Variants in PGBD2 observed in about 807,000 individuals in gnomAD.
PGBD2 encodes piggyBac transposable element-derived protein 2.
In PGBD2, 6 loss-of-function variants were observed where a neutral mutation model predicts 8.1. The ratio of observed to expected loss-of-function variants is 0.74; its 90% CI spans 0.40 to 1.46. PGBD2 has a LOEUF of 1.46. PGBD2 is among the 40% of genes most tolerant of loss of function. The pLI is 0.02. For missense variants in PGBD2, 802 were observed against 739.0 expected, an observed-to-expected ratio of 1.09 and a Z score of -0.99; for synonymous variants, 318 against 272.2, an observed-to-expected ratio of 1.17 and a Z score of -1.66.
At chr1:248,915,772 A>G (rs574196237) in intron 2 of PGBD2, among the ~76,000 whole-genome samples, 1 of 152,324 alleles carries the variant, frequency 6.6e-6, no homozygotes, top group African/African-American at 2.4e-5. Context: ...GAAAATCCAG[A>G]TCTGCTCAGT....
At chr1:248,892,298 CCCTT>C in the PGBD2 span, among the ~76,000 whole-genome samples, 338 of 115,418 alleles carry the variant, frequency 2.9e-3, 2 homozygotes, top group African/African-American at 0.01. Flanking sequence ...TTCCTTCCTT[CCCTT>C]CCTTCCTTCT....
chr1:248,918,129 C>T lies in PGBD2; in HGVS notation c.1545C>T (p.Ala515=), dbSNP rs748179371. 1.9e-6 allele frequency: 3 copies of T among 1,614,086 alleles called. No individual in the cohort carries two copies. Among genetic ancestry groups the T allele is most frequent in the Non-Finnish European group, 2.5e-6 (3 of 1,180,044 alleles). The part of the protein sequence containing the change: ...CCQDAQVDLL[A]FRRYIACVYL... Reference sequence around the variant, plus strand: ...AAGATGCCCAGGTGGACCTCCTTGCCTTCCGGAGATACATTGCCTGTGTGT... The same window carrying T: ...AAGATGCCCAGGTGGACCTCCTTGCTTTCCGGAGATACATTGCCTGTGTGT... The change falls in exon 3 of 3, where the codon GCC becomes GCT. Residue 515 remains alanine (A), a synonymous_variant. Transcript: ENST00000329291.
Position 248,917,752 on chromosome 1 carries a change from C to A in PGBD2, c.1168C>A (p.Leu390Met). 6.2e-7 allele frequency: 1 copy of A among 1,614,042 alleles called. No homozygotes were observed. The highest frequency in any genetic ancestry group is 8.5e-7 in the Non-Finnish European group (1 of 1,180,004). The change falls in exon 3 of 3, where the codon CTG becomes ATG. Residue 390 changes from leucine (L) to methionine (M), a missense_variant. Coordinates refer to ENST00000329291, the MANE Select transcript of PGBD2 (RefSeq NM_170725.3). ...ERCPLKDPKELKKMKRGSFDY... is the reference protein window; with the variant it reads ...ERCPLKDPKEMKKMKRGSFDY... ...ATGTCCCCTAAAAGACCCCAAAGAA[C>A]TGAAAAAAATGAAGAGGGGTTCATT...
the PGBD2 span, among the ~76,000 whole-genome samples, chr1:248,885,604 C>G: frequency 5.9e-5 from 9 of 152,288 alleles, no homozygotes; most frequent in East Asian, 1.7e-3. Context: ...CCAACCAACT[C>G]TATCCCACTT....
the PGBD2 span, among the ~76,000 whole-genome samples, chr1:248,896,788 A>G: frequency 1.3e-5 from 2 of 152,178 alleles, no homozygotes; most frequent in African/African-American, 2.4e-5. Flanking sequence ...ACCCATGGAG[A>G]GCAAGGAAAA....
At chr1:248,874,395 TAA>T in the PGBD2 span, among the ~76,000 whole-genome samples, 1 of 152,178 alleles carries the variant, frequency 6.6e-6, no homozygotes, top group Admixed American at 6.5e-5. Flanking sequence ...ACTTGACTTC[TAA>T]ACAAAGGGCA....
the PGBD2 span, among the ~76,000 whole-genome samples, chr1:248,876,388 G>T: frequency 6.6e-6 from 1 of 152,160 alleles, no homozygotes. Flanking sequence ...AATTAGAACA[G>T]GTTCTCAATA....
the PGBD2 span, among the ~76,000 whole-genome samples, chr1:248,874,263 T>C: frequency 1.3e-5 from 2 of 152,156 alleles, no homozygotes; most frequent in African/African-American, 2.4e-5. Flanking sequence ...GGTGGTCTAG[T>C]GGTTAGGATT....
At position 248,916,855 on chromosome 1, in the gene PGBD2, G is replaced by T. The variant is rs1399940810; in HGVS notation, c.271G>T (p.Asp91Tyr). The T allele has an allele frequency of 5.6e-6, 9 of 1,613,964 alleles. No homozygotes were observed. The highest frequency in any genetic ancestry group is 7.6e-6 in the Non-Finnish European group (9 of 1,180,020). ...GGACTCTGGCACCGGGGAGGATAAT[G>T]ACGACCTGGAGCTGCAGCCAGCCAA... ...CEDSGTGEDN[D>Y]DLELQPAKKR... Residue 91 changes from aspartate (D) to tyrosine (Y), a missense_variant, in exon 3 of 3, where the codon GAC (aspartate) becomes TAC (tyrosine). Transcript: ENST00000329291.
At chr1:248,906,759 G>A (rs1252953809) in intron 1 of PGBD2, among the ~76,000 whole-genome samples, 1 of 152,094 alleles carries the variant, frequency 6.6e-6, no homozygotes, top group Non-Finnish European at 1.5e-5. Context: ...CTCTGTGCCG[G>A]GGCGCGCTGG....
chr1:248,898,342 A>T, the PGBD2 span, among the ~76,000 whole-genome samples: 1 of 152,174 alleles, frequency 6.6e-6, no homozygotes, highest in African/African-American at 2.4e-5. Context: ...AATCAGGTCA[A>T]TGTTCCTCTG....
chr1:248,924,908 T>C (rs970476749), downstream of PGBD2, among the ~76,000 whole-genome samples: 1 of 152,172 alleles, frequency 6.6e-6, no homozygotes, highest in African/African-American at 2.4e-5. Flanking sequence ...CTCTGCCCTC[T>C]AGTGGATTCT....
At chr1:248,907,845 TTCTTATG>T (rs1661714251) in intron 1 of PGBD2, among the ~76,000 whole-genome samples, 1 of 152,166 alleles carries the variant, frequency 6.6e-6, no homozygotes, top group Admixed American at 6.5e-5. Context: ...AAAATGGAAT[TTCTTATG>T]TCTTCCCTTT....
At chr1:248,906,061 A>C (rs1489107363), upstream of PGBD2, 2 of 151,168 alleles carry the variant, frequency 1.3e-5, no homozygotes, top group African/African-American at 2.4e-5. Context: ...TGGCGGGAAG[A>C]GCTGGCCCGC....
chr1:248,880,232 C>T, the PGBD2 span, among the ~76,000 whole-genome samples: 1 of 152,198 alleles, frequency 6.6e-6, no homozygotes, highest in Non-Finnish European at 1.5e-5. Flanking sequence ...GTTGTCTCCA[C>T]CCTGGATGTA....
At chr1:248,920,838 A>T (rs1464210854), downstream of PGBD2, among the ~76,000 whole-genome samples, 3 of 152,198 alleles carry the variant, frequency 2.0e-5, no homozygotes, top group African/African-American at 7.2e-5. Flanking sequence ...TCGCCATTCT[A>T]ACTGGTGTGA....
At position 248,917,579 on chromosome 1, in the gene PGBD2, T is replaced by C; in HGVS notation, c.995T>C (p.Ile332Thr). ...TTGGATCTAGGAGGCAGTATGGTAA[T>C]AAAATTTGTGGATGCGCTTCAGGAG... is the stretch of plus-strand genomic sequence containing the variant. ...RSLDLGGSMV[I>T]KFVDALQERG... is the part of the protein sequence containing the mutation. The change falls in exon 3 of 3, where the codon ATA (isoleucine) becomes ACA (threonine). Residue 332 changes from isoleucine to threonine, a missense_variant. Transcript: ENST00000329291. 6.2e-7 allele frequency: 1 copy of C among 1,614,190 alleles called. No homozygotes were observed. Among genetic ancestry groups the C allele is most frequent in the Non-Finnish European group, 8.5e-7 (1 of 1,180,042 alleles).
At chr1:248,908,507 T>G (rs59129012) in intron 1 of PGBD2, among the ~76,000 whole-genome samples, 3,455 of 152,204 alleles carry the variant, frequency 0.023, 124 homozygotes, top group African/African-American at 0.077. Context: ...CTTGATGGTT[T>G]TACATTTTAA....
At chr1:248,916,555 G>C in intron 2 of PGBD2, 47 bp from the exon 3 acceptor site, 1 of 1,547,144 alleles carries the variant, frequency 6.5e-7, no homozygotes, top group Non-Finnish European at 8.9e-7. Flanking sequence ...CTGAAGCATT[G>C]GCTTTCTGGC....
Sources: gnomAD v4.1 joint callset for allele counts (sites outside exome capture counted in the v4.1 genomes callset) on GRCh38, gnomAD v4.1.1 for gene constraint, MANE v1.5 for transcripts, NCBI Gene and HGNC (gene_info 2026-07-23, HGNC 2026-07-21) for gene names.